The following MYOM2 variants were observed in gnomAD, a reference collection of about 807,000 sequenced individuals.
MYOM2 encodes the protein myomesin-2.
MYOM2 carries 254 observed loss-of-function variants against 187.6 expected under a neutral mutation model. The ratio of observed to expected loss-of-function variants is 1.35; its 90% CI spans 1.22 to 1.50. The LOEUF (loss-of-function observed/expected upper bound fraction) is 1.50. Among genes scored for constraint, MYOM2 ranks in the 40% most tolerant of loss-of-function variants. The probability of loss-of-function intolerance (pLI) is 0.00; values close to 1 mark genes in which losing one functional copy is unlikely to be tolerated. For synonymous variants in MYOM2, 981 were observed against 753.8 expected, an observed-to-expected ratio of 1.30 and a Z score of -4.94; for missense variants, 2,796 against 1,924.0, an observed-to-expected ratio of 1.45 and a Z score of -8.48.
chr8:2,060,399 C>T (rs1372931309), intron 6 of MYOM2, among the ~76,000 whole-genome samples: 1 of 151,982 alleles, frequency 6.6e-6, no homozygotes. Flanking sequence ...TAAGAAGATG[C>T]ATGTTGTGTT....
Position 2,098,882 on chromosome 8 carries a change from T to C in MYOM2, c.2339T>C (p.Leu780Pro). Reference sequence around the variant, plus strand: ...GTGGACGGCTTGACGGAAGGCTCACTCTACGAGTTCAAAATCGCCGCCGTC... The same window carrying C: ...GTGGACGGCTTGACGGAAGGCTCACCCTACGAGTTCAAAATCGCCGCCGTC... ...LTVDGLTEGS[L>P]YEFKIAAVNL... Residue 780 changes from leucine (L) to proline (P), a missense_variant, in exon 19 of 37, where the codon CTC (leucine) becomes CCC (proline). Physicochemically the swap from Leu to Pro is moderately conservative, Grantham distance 98. Coordinates refer to ENST00000262113, the MANE Select transcript of MYOM2 (RefSeq NM_003970.4). 6.2e-7 allele frequency: 1 copy of C among 1,613,432 alleles called. No homozygotes were observed.
rs150834188 is a variant in MYOM2, at chr8:2,136,574, T to TA, written c.3801-4147dup. ...CTTTTTAAAAGTGAAACTTGAATGATAAGTCACTCCAAAGGCCTAGGGCCG... is the reference window on the plus strand; with the variant it reads ...CTTTTTAAAAGTGAAACTTGAATGATAAAGTCACTCCAAAGGCCTAGGGCCG... On this transcript the variant is annotated intron_variant, in intron 32 of 36. Transcript: ENST00000262113. Among the ~76,000 whole-genome samples the TA allele has an allele frequency of 3.9e-4, 59 of 152,312 alleles. 4 individuals are homozygous for TA. In the East Asian group the frequency reaches 0.011, roughly 29 times the overall value.
chr8:2,104,090 A>G (rs1796812641), intron 21 of MYOM2, among the ~76,000 whole-genome samples: 1 of 152,202 alleles, frequency 6.6e-6, no homozygotes, highest in African/African-American at 2.4e-5. Flanking sequence ...TCGTCAAGCC[A>G]CGTGCAGGAA....
intron 32 of MYOM2, among the ~76,000 whole-genome samples, chr8:2,136,674 T>G (rs1019094360): frequency 6.6e-6 from 1 of 152,192 alleles, no homozygotes; most frequent in Non-Finnish European, 1.5e-5. Flanking sequence ...GTGTGTCCAA[T>G]TACACCAAAG....
intron 25 of MYOM2, among the ~76,000 whole-genome samples, chr8:2,110,458 A>T (rs765492995): frequency 8.5e-5 from 13 of 152,286 alleles, no homozygotes; most frequent in Non-Finnish European, 1.9e-4. Flanking sequence ...TGAGAAGCCA[A>T]TGGTTGTGTT....
intron 28 of MYOM2, among the ~76,000 whole-genome samples, chr8:2,119,884 G>A (rs1216248819): frequency 2.6e-5 from 4 of 152,186 alleles, no homozygotes; most frequent in South Asian, 2.1e-4. Flanking sequence ...TGAGGGGGCG[G>A]GGGGGATGCC....
Position 2,100,883 on chromosome 8 carries a change from C to G in MYOM2, c.2448C>G (p.Ala816=), listed in dbSNP as rs142968841. The change falls in exon 20 of 37, where the codon GCC becomes GCG. Residue 816 remains alanine (A), a synonymous_variant. Transcript: ENST00000262113. ...TGGCATCTGACTTCACAGGTCCTGCCTACGACTTGACGTTCTGTGAGGTCA... is the reference window on the plus strand; with the variant it reads ...TGGCATCTGACTTCACAGGTCCTGCGTACGACTTGACGTTCTGTGAGGTCA... ...EAWTMPEPGP[A]YDLTFCEVRD... 3 of 1,614,138 alleles carry G rather than the reference C, an allele frequency of 1.9e-6. No individual in the cohort carries two copies. Among genetic ancestry groups the G allele is most frequent in the Non-Finnish European group, 2.5e-6 (3 of 1,180,012 alleles).
chr8:2,056,447 C>A (rs545186496), intron 3 of MYOM2, among the ~76,000 whole-genome samples: 134 of 152,138 alleles, frequency 8.8e-4, no homozygotes, highest in African/African-American at 3.1e-3. Flanking sequence ...TGGAGGCAGG[C>A]CAGGCCTGGC....
intron 1 of MYOM2, among the ~76,000 whole-genome samples, chr8:2,046,782 G>A (rs1246817411): frequency 2.6e-5 from 4 of 151,084 alleles, no homozygotes; most frequent in Admixed American, 6.6e-5. Flanking sequence ...TGTGTGTAGG[G>A]GGTATTTAAC....
At chr8:2,130,019 T>G (rs1433666850) in intron 32 of MYOM2, among the ~76,000 whole-genome samples, 1 of 152,026 alleles carries the variant, frequency 6.6e-6, no homozygotes, top group Non-Finnish European at 1.5e-5. Context: ...GGATGACGTG[T>G]TCAGGCCAAT....
chr8:2,123,163 G>A, intron 28 of MYOM2, 89 bp from the exon 29 acceptor site: 1 of 828,868 alleles, frequency 1.2e-6, no homozygotes, highest in Non-Finnish European at 1.9e-6. Context: ...TTTGAGGGGG[G>A]GGCTCTGTGA....
chr8:2,088,304 A>G (rs1796165548), intron 14 of MYOM2, among the ~76,000 whole-genome samples: 1 of 152,172 alleles, frequency 6.6e-6, no homozygotes, highest in Non-Finnish European at 1.5e-5. Context: ...CTTTTATTTT[A>G]GCTTCAGGGG....
In MYOM2 at chr8:2,128,571, T is replaced by C. The variant is rs536865051; in HGVS notation, c.3695-556T>C. 1.4e-4 allele frequency among the ~76,000 whole-genome samples: 22 copies of C among 152,332 alleles called. No individual in the cohort carries two copies. In the East Asian group the frequency reaches 3.7e-3, roughly 25 times the overall value. On this transcript the variant is annotated intron_variant, in intron 31 of 36. Coordinates refer to ENST00000262113, the MANE Select transcript of MYOM2 (RefSeq NM_003970.4). The stretch of plus-strand genomic sequence containing the variant: ...AGATCATCTACCTCAAGCGAATTAG[T>C]CTTCATTTTTATTCCAAGTACACTG...
At chr8:2,083,806 C>T (rs1819716974) in intron 13 of MYOM2, among the ~76,000 whole-genome samples, 1 of 152,176 alleles carries the variant, frequency 6.6e-6, no homozygotes, top group African/African-American at 2.4e-5. Context: ...AAGAATAAGT[C>T]AGATGTCTTG....
At chr8:2,079,514 G>A (rs368328177) in intron 12 of MYOM2, 46 bp from the exon 13 acceptor site, 334 of 1,603,438 alleles carry the variant, frequency 2.1e-4, no homozygotes, top group Non-Finnish European at 2.7e-4. Flanking sequence ...GGGCTTTTGG[G>A]GAAAACTTCG....
intron 32 of MYOM2, among the ~76,000 whole-genome samples, chr8:2,137,520 G>C (rs1057275340): frequency 2.6e-5 from 4 of 151,966 alleles, no homozygotes; most frequent in African/African-American, 7.3e-5. Flanking sequence ...CCACGGGTCT[G>C]TGTGTGTGCA....
In MYOM2 at chr8:2,102,671, C is replaced by T. The variant is rs1300189461; in HGVS notation, c.2624C>T (p.Ser875Phe). 9 of 1,609,250 alleles carry T rather than the reference C, an allele frequency of 5.6e-6. No homozygotes were observed. The highest frequency in any genetic ancestry group is 7.7e-6 in the Non-Finnish European group (9 of 1,175,904). The change falls in exon 21 of 37, where the codon TCT becomes TTT. Residue 875 changes from serine to phenylalanine, a missense_variant. By Grantham distance (155) the Ser-to-Phe change is radical. Coordinates refer to ENST00000262113, the MANE Select transcript of MYOM2 (RefSeq NM_003970.4). Reference protein sequence around the residue: ...TTTASRYLKVSDLQQGKTYVF... With the variant: ...TTTASRYLKVFDLQQGKTYVF... ...TGTTTCCTCTGTTGTTTCAAGGTCTCTGACCTGCAGCAAGGTAAGACCTAT... is the reference window on the plus strand; with the variant it reads ...TGTTTCCTCTGTTGTTTCAAGGTCTTTGACCTGCAGCAAGGTAAGACCTAT...
chr8:2,124,796 G>A (rs541563569), intron 31 of MYOM2, among the ~76,000 whole-genome samples: 18 of 152,142 alleles, frequency 1.2e-4, no homozygotes, highest in Non-Finnish European at 1.6e-4. Flanking sequence ...TAACAGGTGT[G>A]AGATGATATC....
At chr8:2,095,523 C>G (rs1280857525) in intron 17 of MYOM2, among the ~76,000 whole-genome samples, 3 of 152,122 alleles carry the variant, frequency 2.0e-5, no homozygotes, top group African/African-American at 7.2e-5. Flanking sequence ...AACTCAGGAG[C>G]TTAAGCAATC....
Sources: gnomAD v4.1 joint callset for allele counts (sites outside exome capture counted in the v4.1 genomes callset) on GRCh38, gnomAD v4.1.1 for gene constraint, MANE v1.5 for transcripts, NCBI Gene and HGNC (gene_info 2026-07-23, HGNC 2026-07-21) for gene names.